Variants in RABGAP1L observed in about 807,000 individuals in gnomAD.
RABGAP1L encodes RAB GTPase activating protein 1 like.
RABGAP1L carries 63 observed loss-of-function variants against 137.7 expected under a neutral mutation model. The observed-to-expected ratio is 0.46, with a 90% CI of 0.37 to 0.56. RABGAP1L has a LOEUF of 0.56. RABGAP1L is among the 20% of genes least tolerant of loss of function. The pLI, the probability that RABGAP1L is intolerant of heterozygous loss-of-function variation, is 0.00. For synonymous variants in RABGAP1L, 431 were observed against 433.7 expected (o/e 0.99, Z 0.08); for missense variants, 1,095 against 1,244.0 (o/e 0.88, Z 1.80).
intron 12 of RABGAP1L, among the ~76,000 whole-genome samples, chr1:174,383,592 G>T (rs561741516): frequency 1.7e-4 from 26 of 152,302 alleles, no homozygotes; most frequent in African/African-American, 5.3e-4. Flanking sequence ...CTGGGAAAGG[G>T]AACTCCCTGA....
chr1:174,731,630 C>A (rs746880471), intron 17 of RABGAP1L, among the ~76,000 whole-genome samples: 1 of 152,204 alleles, frequency 6.6e-6, no homozygotes, highest in Non-Finnish European at 1.5e-5. Context: ...CCTTGCCATT[C>A]CTGGCTTCCA....
intron 3 of RABGAP1L, 22 bp from the exon 4 acceptor site, chr1:174,231,123 G>A (rs1452488818): frequency 2.6e-6 from 4 of 1,559,864 alleles, no homozygotes; most frequent in Admixed American, 1.7e-5. Context: ...ACTTTTGAGT[G>A]TTTCTTTTTT....
chr1:174,813,908 T>C (rs1419321881), intron 19 of RABGAP1L, among the ~76,000 whole-genome samples: 1 of 152,188 alleles, frequency 6.6e-6, no homozygotes, highest in Non-Finnish European at 1.5e-5. Flanking sequence ...AAAATATTTA[T>C]TTCTAAGAAT....
intron 11 of RABGAP1L, among the ~76,000 whole-genome samples, chr1:174,324,763 T>C (rs1043936565): frequency 6.6e-6 from 1 of 152,038 alleles, no homozygotes; most frequent in Non-Finnish European, 1.5e-5. Flanking sequence ...AAGACAGGGA[T>C]AGAATAAGGG....
intron 4 of RABGAP1L, among the ~76,000 whole-genome samples, chr1:174,240,088 A>G (rs1004479054): frequency 1.3e-5 from 2 of 152,230 alleles, no homozygotes; most frequent in African/African-American, 4.8e-5. Flanking sequence ...CAATTTGCCA[A>G]ACACACCTTG....
rs188719602 is a variant in RABGAP1L at position 174,772,254 on chromosome 1, G to T, written c.2211+19900G>T. On this transcript the variant is annotated intron_variant, in intron 18 of 25. Coordinates refer to ENST00000681986, the MANE Select transcript of RABGAP1L (RefSeq NM_001366446.1). ...ACTAATCTTCACTACCTTTAATTTT[G>T]TTTATTGTAGTATAATATACGTAAC... 3.7e-3 allele frequency among the ~76,000 whole-genome samples: 560 copies of T among 151,744 alleles called. 4 individuals carry two copies. The highest frequency in any genetic ancestry group is 6.0e-3 in the Non-Finnish European group (406 of 67,924).
chr1:174,988,533 C>A, intron 24 of RABGAP1L, 108 bp from the exon 25 acceptor site: 1 of 959,156 alleles, frequency 1.0e-6, no homozygotes, highest in South Asian at 2.5e-5. Context: ...CAGAAATGGG[C>A]CTGCATCTAT....
chr1:174,213,303 T>C (rs1010830329), intron 1 of RABGAP1L, among the ~76,000 whole-genome samples: 10 of 152,102 alleles, frequency 6.6e-5, no homozygotes, highest in African/African-American at 2.2e-4. Context: ...TGCATGCCTG[T>C]AGTCCTAGCT....
chr1:174,459,431 T>A (rs943612009), intron 13 of RABGAP1L, among the ~76,000 whole-genome samples: 2 of 152,102 alleles, frequency 1.3e-5, no homozygotes. Flanking sequence ...ATTATCTGTG[T>A]GGGATTGGTT....
chr1:174,759,999 C>T (rs1226868400), intron 18 of RABGAP1L, among the ~76,000 whole-genome samples: 1 of 152,110 alleles, frequency 6.6e-6, no homozygotes. Flanking sequence ...ACATCCAAAC[C>T]ATATCAATAT....
At chr1:174,913,619 TC>T (rs1416123810) in intron 19 of RABGAP1L, among the ~76,000 whole-genome samples, 2 of 152,224 alleles carry the variant, frequency 1.3e-5, no homozygotes, top group Non-Finnish European at 2.9e-5. Context: ...TTAGCTCTTC[TC>T]CTGGTTGGTT....
At chr1:174,951,080 A>G (rs1297437581) in intron 19 of RABGAP1L, among the ~76,000 whole-genome samples, 1 of 152,142 alleles carries the variant, frequency 6.6e-6, no homozygotes, top group Non-Finnish European at 1.5e-5. Flanking sequence ...CATCATGAAA[A>G]TCCTCCTCAC....
At chr1:174,638,431 G>T (rs1674240584) in intron 14 of RABGAP1L, among the ~76,000 whole-genome samples, 1 of 151,592 alleles carries the variant, frequency 6.6e-6, no homozygotes, top group Non-Finnish European at 1.5e-5. Flanking sequence ...CTTTTACACT[G>T]TTGGTGGGAC....
intron 19 of RABGAP1L, among the ~76,000 whole-genome samples, chr1:174,935,756 C>T (rs1348719945): frequency 2.0e-5 from 3 of 151,874 alleles, no homozygotes; most frequent in Non-Finnish European, 4.4e-5. Flanking sequence ...CCGAGGCGGG[C>T]GGATCACCTG....
intron 13 of RABGAP1L, among the ~76,000 whole-genome samples, chr1:174,520,909 G>A (rs1477627751): frequency 1.3e-5 from 2 of 152,168 alleles, no homozygotes; most frequent in African/African-American, 2.4e-5. Context: ...GCTGAGGCAG[G>A]AGAATCGCTT....
chr1:174,906,956 A>G (rs1370765916), intron 19 of RABGAP1L, among the ~76,000 whole-genome samples: 2 of 152,278 alleles, frequency 1.3e-5, no homozygotes, highest in African/African-American at 2.4e-5. Flanking sequence ...TCCTTCACAT[A>G]TGAAGGAGAT....
At chr1:174,834,301 A>C (rs1283648262) in intron 19 of RABGAP1L, among the ~76,000 whole-genome samples, 1 of 151,838 alleles carries the variant, frequency 6.6e-6, no homozygotes, top group African/African-American at 2.4e-5. Context: ...TGGCACACGC[A>C]TGTAATCCCA....
chr1:174,510,782 A>G (rs922042947), intron 13 of RABGAP1L, among the ~76,000 whole-genome samples: 1 of 152,240 alleles, frequency 6.6e-6, no homozygotes, highest in Non-Finnish European at 1.5e-5. Context: ...TTTTGGCTGC[A>G]TGTAACAAAG....
At chr1:174,963,051 A>G (rs923285993) in intron 20 of RABGAP1L, among the ~76,000 whole-genome samples, 3 of 152,016 alleles carry the variant, frequency 2.0e-5, no homozygotes, top group Non-Finnish European at 4.4e-5. Flanking sequence ...GTGGGCAGAG[A>G]TCGTGCCACT....
Sources: gnomAD v4.1 joint callset for allele counts (sites outside exome capture counted in the v4.1 genomes callset) on GRCh38, gnomAD v4.1.1 for gene constraint, MANE v1.5 for transcripts, NCBI Gene and HGNC (gene_info 2026-07-23, HGNC 2026-07-21) for gene names.